The following DLGAP1 variants were observed in gnomAD, a reference collection of about 807,000 sequenced individuals.
DLGAP1 encodes DLG associated protein 1.
DLGAP1 carries 11 observed loss-of-function variants against 90.8 expected under a neutral mutation model. The ratio of observed to expected loss-of-function variants is 0.12; its 90% CI spans 0.08 to 0.20. DLGAP1 has a LOEUF of 0.20. Ranked by LOEUF, DLGAP1 falls within the 10% of genes least tolerant of loss-of-function variation. The pLI, the probability that DLGAP1 is intolerant of heterozygous loss-of-function variation, is 1.00. For missense variants in DLGAP1, 1,050 were observed against 1,333.8 expected (o/e 0.79, Z 3.31); for synonymous variants, 558 against 540.7 (o/e 1.03, Z -0.44).
At chr18:3,637,026 T>G (rs764387168) in intron 7 of DLGAP1, among the ~76,000 whole-genome samples, 1 of 152,086 alleles carries the variant, frequency 6.6e-6, no homozygotes, top group Non-Finnish European at 1.5e-5. Context: ...CCCGGCCACT[T>G]TTACATGTCT....
intron 1 of DLGAP1, among the ~76,000 whole-genome samples, chr18:4,297,970 A>C (rs2080026640): frequency 6.6e-6 from 1 of 152,152 alleles, no homozygotes; most frequent in Non-Finnish European, 1.5e-5. Flanking sequence ...GAGGGAAGAC[A>C]GTTCTCTGGC....
intron 2 of DLGAP1, among the ~76,000 whole-genome samples, chr18:4,065,027 T>C (rs1215653424): frequency 1.3e-5 from 2 of 152,044 alleles, no homozygotes; most frequent in African/African-American, 2.4e-5. Context: ...GCTTAACATA[T>C]GCAAATCAAT....
chr18:4,442,620 G>C (rs1040670708), intron 1 of DLGAP1, among the ~76,000 whole-genome samples: 15 of 152,090 alleles, frequency 9.9e-5, no homozygotes, highest in African/African-American at 3.4e-4. Flanking sequence ...TGAGAAAGTG[G>C]TAAAAGTAGC....
chr18:3,953,773 T>C (rs1196325270), intron 3 of DLGAP1, among the ~76,000 whole-genome samples: 5 of 152,334 alleles, frequency 3.3e-5, no homozygotes, highest in Middle Eastern at 3.4e-3. Flanking sequence ...ATAGTGTTTT[T>C]AAATGGAAAT....
chr18:3,814,358 TC>T, intron 4 of DLGAP1, 85 bp from the exon 5 acceptor site: 2 of 1,259,056 alleles, frequency 1.6e-6, no homozygotes, highest in Non-Finnish European at 2.2e-6. Flanking sequence ...ATTTAACATT[TC>T]TATTTTTTTT....
At chr18:3,534,099 A>C in intron 10 of DLGAP1, 95 bp downstream of exon 10, 1 of 1,389,822 alleles carries the variant, frequency 7.2e-7, no homozygotes, top group East Asian at 2.3e-5. Flanking sequence ...AAGGTTATAC[A>C]AGTGAAGCTG....
chr18:3,755,365 A>G lies in DLGAP1; in HGVS notation c.1173-12853T>C, dbSNP rs528801652. On this transcript the variant is annotated intron_variant, in intron 5 of 12. Transcript: ENST00000315677. ...GAGATTGTCAGACTGGATAAAAAAC[A>G]GAATCCAATTCTATGCAGCCTGTCA... is the stretch of plus-strand genomic sequence containing the variant. Among the ~76,000 whole-genome samples the G allele has an allele frequency of 2.6e-5, 4 of 152,308 alleles. No homozygotes were observed. The South Asian group carries it at 8.3e-4, about 32-fold the overall frequency.
At chr18:4,032,656 C>A (rs1220876518) in intron 2 of DLGAP1, among the ~76,000 whole-genome samples, 1 of 152,154 alleles carries the variant, frequency 6.6e-6, no homozygotes, top group Non-Finnish European at 1.5e-5. Context: ...ATGATCATGT[C>A]ACATCGTTTG....
intron 8 of DLGAP1, chr18:3,580,361 G>C: frequency 6.2e-6 from 10 of 1,613,894 alleles, no homozygotes; most frequent in Non-Finnish European, 8.5e-6. Flanking sequence ...CACAGACTCG[G>C]GGCTCGAATT....
chr18:3,732,410 T>C (rs1288122908), intron 6 of DLGAP1, among the ~76,000 whole-genome samples: 5 of 152,270 alleles, frequency 3.3e-5, no homozygotes, highest in Non-Finnish European at 7.3e-5. Context: ...CTTTTATAAC[T>C]ACTAGTTGGA....
intron 1 of DLGAP1, among the ~76,000 whole-genome samples, chr18:4,253,384 A>G (rs1568473162): frequency 6.6e-6 from 1 of 152,144 alleles, no homozygotes; most frequent in East Asian, 1.9e-4. Context: ...CACAACAGAG[A>G]TATTTCTTAG....
In DLGAP1 at chr18:4,358,353, A is replaced by C. The variant is rs2081566184; in HGVS notation, c.-267+96653T>G. 2.1e-5 allele frequency among the ~76,000 whole-genome samples: 3 copies of C among 145,642 alleles called. No homozygotes were observed. The South Asian group carries it at 6.3e-4, about 30-fold the overall frequency. On this transcript the variant is annotated intron_variant, in intron 1 of 12. Coordinates refer to ENST00000315677, the MANE Select transcript of DLGAP1 (RefSeq NM_004746.4). ...CATTTGAGCACAAATGTGAATAATGAAAAATAATTAGTCCTGAGGGCAGAA... is the reference window on the plus strand; with the variant it reads ...CATTTGAGCACAAATGTGAATAATGCAAAATAATTAGTCCTGAGGGCAGAA...
intron 1 of DLGAP1, among the ~76,000 whole-genome samples, chr18:4,261,458 C>T (rs2079001081): frequency 1.3e-5 from 2 of 152,092 alleles, no homozygotes; most frequent in African/African-American, 2.4e-5. Context: ...TATTCTTCCC[C>T]TTGAAGTGCC....
intron 4 of DLGAP1, among the ~76,000 whole-genome samples, chr18:3,836,525 C>G (rs1162712455): frequency 6.6e-6 from 1 of 152,140 alleles, no homozygotes; most frequent in Admixed American, 6.5e-5. Context: ...TACTGTCACA[C>G]ACGTCGCAGG....
At chr18:4,433,511 T>C (rs1420532236) in intron 1 of DLGAP1, among the ~76,000 whole-genome samples, 2 of 152,206 alleles carry the variant, frequency 1.3e-5, no homozygotes, top group Non-Finnish European at 1.5e-5. Context: ...TGGATACACA[T>C]TTAAAAATCC....
chr18:3,692,790 T>G (rs2060943825), intron 7 of DLGAP1, among the ~76,000 whole-genome samples: 1 of 152,186 alleles, frequency 6.6e-6, no homozygotes, highest in Admixed American at 6.5e-5. Flanking sequence ...CATTCCACAT[T>G]AGGAAATCAA....
intron 1 of DLGAP1, among the ~76,000 whole-genome samples, chr18:4,356,459 C>T (rs1005907561): frequency 6.6e-6 from 1 of 152,106 alleles, no homozygotes; most frequent in Non-Finnish European, 1.5e-5. Flanking sequence ...CCGTTTTTTC[C>T]TATGTCAACA....
chr18:4,128,949 A>C (rs1374075915), intron 2 of DLGAP1, among the ~76,000 whole-genome samples: 2 of 151,990 alleles, frequency 1.3e-5, no homozygotes, highest in African/African-American at 4.8e-5. Flanking sequence ...TTTTCCTTCT[A>C]AAGGTTGTGC....
chr18:3,926,407 T>TAC (rs2072383553), intron 3 of DLGAP1, among the ~76,000 whole-genome samples: 1 of 31,738 alleles, frequency 3.2e-5, no homozygotes, highest in African/African-American at 1.1e-4. Flanking sequence ...ATGACATATA[T>TAC]ATATATATAT....
Sources: allele counts gnomAD v4.1 joint callset (sites outside exome capture counted in the v4.1 genomes callset), GRCh38; gene constraint gnomAD v4.1.1; transcripts MANE v1.5; gene names NCBI Gene and HGNC (gene_info 2026-07-23, HGNC 2026-07-21).